WNK3: variants seen among roughly 807,000 people sequenced by gnomAD.
The protein encoded by WNK3 is WNK lysine deficient protein kinase 3.
WNK3 carries 18 observed loss-of-function variants against 116.7 expected under a neutral mutation model. The observed-to-expected ratio is 0.15, with a 90% confidence interval of 0.11 to 0.23. The LOEUF (loss-of-function observed/expected upper bound fraction) is 0.23. Among genes scored for constraint, WNK3 ranks in the 10% least tolerant of loss-of-function variants. The pLI is 1.00. For synonymous variants in WNK3, 404 were observed against 469.4 expected (o/e 0.86, Z 1.80); for missense variants, 993 against 1,323.8 (o/e 0.75, Z 3.88).
chrX:54,332,953 A>G (rs1000415543), intron 2 of WNK3, among the ~76,000 whole-genome samples, 184 bp downstream of exon 2: 5 of 110,574 alleles, frequency 4.5e-5, no homozygotes, highest in African/African-American at 1.6e-4. Flanking sequence ...AGAAAACAAC[A>G]GGAGAAAAAA....
chrX:54,316,539 C>CA (rs781865793), intron 2 of WNK3, among the ~76,000 whole-genome samples: 2,462 of 35,192 alleles, frequency 0.07, 106 homozygotes, highest in African/African-American at 0.16. Flanking sequence ...GACTCCATCT[C>CA]AAAAAAAAAA....
intron 1 of WNK3, among the ~76,000 whole-genome samples, chrX:54,356,995 C>T (rs1164553697): frequency 9.1e-6 from 1 of 110,014 alleles, no homozygotes; most frequent in Non-Finnish European, 1.9e-5. Flanking sequence ...CTCCCCATCC[C>T]CAACCTGTCA....
At chrX:54,302,757 A>ATATATATATAT (rs1557167848) in intron 5 of WNK3, among the ~76,000 whole-genome samples, 7 of 43,371 alleles carry the variant, frequency 1.6e-4, no homozygotes, top group African/African-American at 3.3e-4. Flanking sequence ...ATATATATAT[A>ATATATATATAT]TTTTTTTTTT....
chrX:54,332,380 T>C (rs182750431), intron 2 of WNK3, among the ~76,000 whole-genome samples: 2 of 111,777 alleles, frequency 1.8e-5, no homozygotes, highest in Admixed American at 1.9e-4. Context: ...ACCTTTCCTG[T>C]TCTGAAAAAC....
At chrX:54,239,191 A>G in intron 17 of WNK3, 92 bp from the exon 18 acceptor site, 1 of 586,605 alleles carries the variant, frequency 1.7e-6, no homozygotes, top group Non-Finnish European at 2.4e-6. Flanking sequence ...AATTTAGGTA[A>G]GGTGAAGCTT....
chrX:54,202,164 A>G, exon 23 of WNK3: 1 of 1,207,298 alleles, frequency 8.3e-7, no homozygotes, highest in Non-Finnish European at 1.1e-6. Context: ...TGTTGGCATG[A>G]TGCTGCATTA....
intron 22 of WNK3, among the ~76,000 whole-genome samples, chrX:54,207,002 C>T (rs1390139354): frequency 9.1e-6 from 1 of 110,330 alleles, no homozygotes; most frequent in Non-Finnish European, 1.9e-5. Flanking sequence ...GCACTCCAGC[C>T]TGGGCAACAG....
intron 11 of WNK3, among the ~76,000 whole-genome samples, chrX:54,257,991 G>T (rs1440153949): frequency 8.3e-5 from 9 of 109,020 alleles, no homozygotes; most frequent in Non-Finnish European, 3.8e-5. Flanking sequence ...ACAAGAATAA[G>T]ATGAGGCTGG....
At chrX:54,260,883 G>A (rs1557156555) in intron 10 of WNK3, among the ~76,000 whole-genome samples, 3 of 106,719 alleles carry the variant, frequency 2.8e-5, no homozygotes, top group African/African-American at 6.8e-5. Flanking sequence ...CACCACACCC[G>A]GCTATTTTTT....
chrX:54,259,168 C>T, intron 11 of WNK3, 106 bp downstream of exon 11: 1 of 283,086 alleles, frequency 3.5e-6, no homozygotes, highest in East Asian at 6.7e-5. Context: ...CACACAAGTA[C>T]AAGAATACAG....
At chrX:54,211,665 G>A (rs2067615384) in intron 22 of WNK3, among the ~76,000 whole-genome samples, 1 of 109,696 alleles carries the variant, frequency 9.1e-6, no homozygotes, top group Non-Finnish European at 1.9e-5. Context: ...TTAGCCGGGC[G>A]TGGTGGCGGG....
At chrX:54,294,596 C>A (rs782313288) in exon 8 of WNK3, 1 of 1,198,877 alleles carries the variant, frequency 8.3e-7, no homozygotes, top group Non-Finnish European at 1.1e-6. Flanking sequence ...TTTGTAGAAG[C>A]TGTTGTCTAA....
intron 19 of WNK3, 72 bp downstream of exon 19, chrX:54,238,270 A>G (rs782708376): frequency 4.1e-5 from 46 of 1,109,955 alleles, no homozygotes; most frequent in Non-Finnish European, 5.5e-5. Context: ...TATCATCTAC[A>G]GACCAAGATC....
intron 23 of WNK3, among the ~76,000 whole-genome samples, chrX:54,200,164 A>G (rs782159324): frequency 1.2e-4 from 14 of 112,062 alleles, no homozygotes; most frequent in Non-Finnish European, 2.4e-4. Flanking sequence ...TATAGCCTAT[A>G]TCTTTCTTTT....
exon 17 of WNK3, chrX:54,248,861 T>C (rs782813200): frequency 8.3e-7 from 1 of 1,211,630 alleles, no homozygotes; most frequent in South Asian, 1.8e-5. Context: ...CAGTGACTGA[T>C]GGCTATGACT....
At chrX:54,285,398 C>T (rs1557163688) in intron 10 of WNK3, among the ~76,000 whole-genome samples, 1 of 111,974 alleles carries the variant, frequency 8.9e-6, no homozygotes, top group Non-Finnish European at 1.9e-5. Flanking sequence ...AAGAGGAAGA[C>T]CTTGTCTCAA....
At chrX:54,346,339 C>T (rs1411092696) in intron 1 of WNK3, among the ~76,000 whole-genome samples, 2 of 100,370 alleles carry the variant, frequency 2.0e-5, no homozygotes, top group South Asian at 4.6e-4. Context: ...TGGTGGCTCA[C>T]GCCTGTAATA....
At chrX:54,263,412 A>G (rs1465001857) in intron 10 of WNK3, among the ~76,000 whole-genome samples, 1 of 112,106 alleles carries the variant, frequency 8.9e-6, no homozygotes, top group Non-Finnish European at 1.9e-5. Context: ...CCTGCAATAC[A>G]GGCATTTTTT....
rs368652548 is a variant in WNK3 at position 54,251,457 on chromosome X, T to G, written c.2524-7A>C. On this transcript the variant is annotated splice_polypyrimidine_tract_variant and splice_region_variant and intron_variant, in intron 14 of 23. Coordinates refer to ENST00000354646, the Ensembl canonical transcript of WNK3. ...CTTGTTCAGATGACCCTGTCTGAAT[T>G]AAAAATGAATAGATAAATTAAAAAG... 4 of 1,187,996 alleles carry G rather than the reference T, an allele frequency of 3.4e-6. No homozygotes were observed. In the African/African-American group the frequency reaches 7.1e-5, roughly 21 times the overall value.
Sources: allele counts gnomAD v4.1 joint callset (sites outside exome capture counted in the v4.1 genomes callset), GRCh38; gene constraint gnomAD v4.1.1; transcripts MANE v1.5; gene names NCBI Gene and HGNC (gene_info 2026-07-23, HGNC 2026-07-21).